NLN: variants seen among roughly 807,000 people sequenced by gnomAD.
The protein encoded by NLN is neurolysin.
A neutral mutation model predicts 79.9 loss-of-function variants in NLN; 64 were observed. The ratio of observed to expected loss-of-function variants is 0.80; its 90% CI spans 0.65 to 0.99. The LOEUF is 0.99. Among genes scored for constraint, NLN ranks in the 50% least tolerant of loss-of-function variants. The pLI is 0.00. For synonymous variants in NLN, 267 were observed against 296.6 expected, an observed-to-expected ratio of 0.90 and a Z score of 1.02; for missense variants, 835 against 858.7, an observed-to-expected ratio of 0.97 and a Z score of 0.34.
intron 2 of NLN, among the ~76,000 whole-genome samples, chr5:65,761,208 G>A (rs1480044496): frequency 6.6e-6 from 1 of 151,780 alleles, no homozygotes; most frequent in Non-Finnish European, 1.5e-5. Flanking sequence ...TTAGGCTCCT[G>A]CATTTGATGT....
At chr5:65,789,432 C>T (rs1760007677) in intron 8 of NLN, among the ~76,000 whole-genome samples, 1 of 152,140 alleles carries the variant, frequency 6.6e-6, no homozygotes, top group Non-Finnish European at 1.5e-5. Flanking sequence ...TAGCTGCTAC[C>T]ATTGTCATTA....
chr5:65,783,748 T>G (rs2150758733), intron 6 of NLN, among the ~76,000 whole-genome samples: 1 of 139,276 alleles, frequency 7.2e-6, no homozygotes, highest in African/African-American at 2.6e-5. Context: ...AAAGAAAAAA[T>G]GAGAGAACAG....
At chr5:65,756,768 G>T (rs868337764) in intron 1 of NLN, among the ~76,000 whole-genome samples, 16 of 152,248 alleles carry the variant, frequency 1.1e-4, no homozygotes, top group African/African-American at 3.9e-4. Flanking sequence ...CTCTCAAAAT[G>T]TTGGGATTAT....
At chr5:65,722,459 G>A (rs1298597765) in intron 1 of NLN, 45 bp downstream of exon 1, 4 of 1,532,488 alleles carry the variant, frequency 2.6e-6, no homozygotes, top group East Asian at 2.5e-5. Flanking sequence ...GCAGGGCGGG[G>A]TCTTTCGCCG....
chr5:65,723,873 T>A (rs1758390358), intron 1 of NLN, among the ~76,000 whole-genome samples: 1 of 151,146 alleles, frequency 6.6e-6, no homozygotes, highest in African/African-American at 2.4e-5. Context: ...AGGACCCCTT[T>A]ACCTTTCAAA....
rs1202081446 is a variant in NLN at position 65,828,666 on chromosome 5, C to T, written c.*5751C>T. On this transcript the variant is annotated 3_prime_UTR_variant, in exon 13 of 13. Coordinates refer to ENST00000380985, the MANE Select transcript of NLN (RefSeq NM_020726.5). ...CTTTTTGTTGGTTAAAAATACATTC[C>T]GCTGCTGTGGAAAGCCTGTAGCTGC... is the stretch of plus-strand genomic sequence containing the variant. 6 of 152,154 alleles carry T rather than the reference C, an allele frequency of 3.9e-5. No individual in the cohort carries two copies. The East Asian group carries it at 5.8e-4, about 15-fold the overall frequency. 9.4% of individuals were successfully genotyped at this position (152,154 alleles called of 1,614,324 possible). A position where few individuals can be genotyped will look rare whatever the true frequency, so the allele number is the denominator to read the frequency against.
chr5:65,778,703 G>A (rs171675), intron 4 of NLN, among the ~76,000 whole-genome samples: 87,166 of 151,952 alleles, frequency 0.57, 25,317 homozygotes, highest in South Asian at 0.61. Context: ...ATGCACAGTG[G>A]AGTCATTGGC....
At chr5:65,809,937 A>T (rs1561212213) in intron 10 of NLN, 100 bp from the exon 11 acceptor site, 1 of 1,315,960 alleles carries the variant, frequency 7.6e-7, no homozygotes, top group Non-Finnish European at 1.1e-6. Context: ...CCATTTTGTG[A>T]GTACTACTGG....
At chr5:65,730,296 C>T (rs534111783) in intron 1 of NLN, among the ~76,000 whole-genome samples, 36 of 152,196 alleles carry the variant, frequency 2.4e-4, no homozygotes, top group Middle Eastern at 6.8e-3. Context: ...GAAAGGCTAC[C>T]AAGAAAGTGA....
intron 1 of NLN, among the ~76,000 whole-genome samples, chr5:65,732,332 G>A (rs1346926330): frequency 2.2e-5 from 2 of 89,382 alleles, no homozygotes; most frequent in Admixed American, 9.6e-5. Context: ...GTTAGTCAGG[G>A]GTTCAGATCT....
chr5:65,775,132 T>C (rs1025854327), intron 3 of NLN, among the ~76,000 whole-genome samples: 3 of 152,246 alleles, frequency 2.0e-5, no homozygotes, highest in African/African-American at 4.8e-5. Flanking sequence ...GTTTTAACTT[T>C]AACATAGACT....
chr5:65,760,104 C>T (rs1334837915), intron 2 of NLN, among the ~76,000 whole-genome samples: 1 of 152,146 alleles, frequency 6.6e-6, no homozygotes, highest in Non-Finnish European at 1.5e-5. Context: ...TCATCAGAAT[C>T]CAGCATAGCC....
chr5:65,762,313 AC>A (rs1759356355), intron 2 of NLN, among the ~76,000 whole-genome samples: 1 of 151,774 alleles, frequency 6.6e-6, no homozygotes, highest in African/African-American at 2.4e-5. Flanking sequence ...CTTTTTATGT[AC>A]CCTTTTCCCA....
At position 65,823,036 on chromosome 5, in the gene NLN, T is replaced by C; in HGVS notation, c.*121T>C. Reference sequence around the variant, plus strand: ...ATTTAGATTTCTATTGACATCCTTTTGTTTTCTAATTTTAAAAATTATAAA... The same window carrying C: ...ATTTAGATTTCTATTGACATCCTTTCGTTTTCTAATTTTAAAAATTATAAA... On this transcript the variant is annotated 3_prime_UTR_variant, in exon 13 of 13. Coordinates refer to ENST00000380985, the MANE Select transcript of NLN (RefSeq NM_020726.5). 1 of 712,662 alleles carries C rather than the reference T, an allele frequency of 1.4e-6. No individual in the cohort carries two copies. The highest frequency in any genetic ancestry group is 2.8e-5 in the Admixed American group (1 of 35,638). 44.1% of individuals were successfully genotyped at this position (712,662 alleles called of 1,614,324 possible).
intron 8 of NLN, among the ~76,000 whole-genome samples, chr5:65,789,595 G>A (rs1228439593): frequency 6.6e-6 from 1 of 152,062 alleles, no homozygotes; most frequent in African/African-American, 2.4e-5. Context: ...TGGCCAATAT[G>A]GTGAAACCCT....
intron 1 of NLN, among the ~76,000 whole-genome samples, chr5:65,727,840 C>A (rs1420311882): frequency 4.6e-5 from 7 of 152,174 alleles, no homozygotes; most frequent in African/African-American, 1.7e-4. Flanking sequence ...GATCTCGGCT[C>A]ACTGCAACCT....
intron 11 of NLN, 39 bp from the exon 12 acceptor site, chr5:65,812,216 T>C: frequency 6.3e-7 from 1 of 1,593,938 alleles, no homozygotes; most frequent in Non-Finnish European, 8.6e-7. Context: ...ATCATTAACG[T>C]TTGCTATCAC....
chr5:65,777,999 G>A (rs1759718917), intron 4 of NLN, among the ~76,000 whole-genome samples: 1 of 152,110 alleles, frequency 6.6e-6, no homozygotes, highest in South Asian at 2.1e-4. Context: ...TGTGTGTTGA[G>A]CTTATTTTCC....
intron 12 of NLN, among the ~76,000 whole-genome samples, chr5:65,820,401 T>G (rs979605466): frequency 1.3e-5 from 2 of 152,238 alleles, no homozygotes; most frequent in African/African-American, 2.4e-5. Flanking sequence ...TTTTTCATAA[T>G]AAAATGTTTA....
Sources: allele counts gnomAD v4.1 joint callset (sites outside exome capture counted in the v4.1 genomes callset), GRCh38; gene constraint gnomAD v4.1.1; transcripts MANE v1.5; gene names NCBI Gene and HGNC (gene_info 2026-07-23, HGNC 2026-07-21).